Variants in FBRS observed in about 807,000 individuals in gnomAD.
FBRS encodes probable fibrosin-1.
In FBRS, 15 loss-of-function variants were observed where a neutral mutation model predicts 86.1. The ratio of observed to expected loss-of-function variants is 0.17; its 90% CI spans 0.12 to 0.27. The LOEUF (loss-of-function observed/expected upper bound fraction) is 0.27, where lower values mean the gene tolerates loss of function less well. FBRS is among the 10% of genes least tolerant of loss of function. The pLI is 1.00. For missense variants in FBRS, 1,367 were observed against 1,301.6 expected, an observed-to-expected ratio of 1.05 and a Z score of -0.77; for synonymous variants, 666 against 575.8, an observed-to-expected ratio of 1.16 and a Z score of -2.24.
rs1285113644 is a variant in FBRS at position 30,659,752 on chromosome 16, C to T, written c.234C>T (p.Gly78=). 12 of 1,386,682 alleles carry T rather than the reference C, an allele frequency of 8.7e-6. No individual in the cohort carries two copies. Among genetic ancestry groups the T allele is most frequent in the East Asian group, 7.8e-5 (3 of 38,704 alleles). The allele number at this position is 1,386,682 out of a possible 1,614,324, so 85.9% of individuals were successfully genotyped here. A position where few individuals can be genotyped will look rare whatever the true frequency, so the allele number is the denominator to read the frequency against. ...SSASSGERPG[G]PRRRRPRPRP... is the part of the protein sequence containing the mutation. ...CTTCGTCTGGAGAGCGGCCTGGGGG[C>T]CCGAGACGCCGGCGGCCCCGTCCGA... Residue 78 remains glycine (G), a synonymous_variant, in exon 1 of 18, where the codon GGC becomes GGT. Transcript: ENST00000356166.
At position 30,659,734 on chromosome 16, in the gene FBRS, T is replaced by G; in HGVS notation, c.216T>G (p.Ser72=). 7.8e-7 allele frequency: 1 copy of G among 1,287,192 alleles called. No homozygotes were observed. Among genetic ancestry groups the G allele is most frequent in the Non-Finnish European group, 1.1e-6 (1 of 946,634 alleles). The allele number at this position is 1,287,192 out of a possible 1,614,324, so 79.7% of individuals were successfully genotyped here. The change falls in exon 1 of 18, where the codon TCT becomes TCG. Residue 72 remains serine, a synonymous_variant. Coordinates refer to ENST00000356166, the MANE Select transcript of FBRS (RefSeq NM_001105079.3). ...PPARPWSSAS[S]GERPGGPRRR... is the part of the protein sequence containing the mutation. ...CCAGGCCTTGGTCGTCAGCTTCGTC[T>G]GGAGAGCGGCCTGGGGGCCCGAGAC...
intron 1 of FBRS, 58 bp downstream of exon 1, chr16:30,660,035 G>A: frequency 2.0e-6 from 3 of 1,529,688 alleles, no homozygotes; most frequent in Non-Finnish European, 2.6e-6. Context: ...CAAGGAGGGG[G>A]CAGTGCCCCT....
chr16:30,669,372 C>A lies in FBRS; in HGVS notation c.2670C>A (p.Arg890=), dbSNP rs2151273993. The A allele has an allele frequency of 6.2e-7, 1 of 1,612,754 alleles. No homozygotes were observed. Among genetic ancestry groups the A allele is most frequent in the East Asian group, 2.2e-5 (1 of 44,864 alleles). The stretch of plus-strand genomic sequence containing the variant: ...CAACCTGGTTGGCAGCACCCCCACG[C>A]CTGGCAAGGCCACCCCGCTTCTATG... ...LEPTWLAAPP[R]LARPPRFYEA... is the part of the protein sequence containing the mutation. The change falls in exon 18 of 18, where the codon CGC becomes CGA. Residue 890 remains arginine (R), a synonymous_variant. Coordinates refer to ENST00000356166, the MANE Select transcript of FBRS (RefSeq NM_001105079.3). The surrounding 1 kb of genome is among the most constrained non-coding windows in gnomAD (Gnocchi z 5.9).
At position 30,669,495 on chromosome 16, in the gene FBRS, T is replaced by A; in HGVS notation, c.2793T>A (p.Pro931=). 2 of 1,613,174 alleles carry A rather than the reference T, an allele frequency of 1.2e-6. No homozygotes were observed. The highest frequency in any genetic ancestry group is 1.7e-6 in the Non-Finnish European group (2 of 1,179,790). The change falls in exon 18 of 18, where the codon CCT becomes CCA. Residue 931 remains proline (P), a synonymous_variant. Transcript: ENST00000356166. The surrounding 1 kb of genome is among the most constrained non-coding windows in gnomAD (Gnocchi z 5.9). ...CCTTGCTCTACAGCCGCTTGGCTCC[T>A]CCACCACCACCTGCTGCGGCCCCGG... ...AHPLLYSRLA[P]PPPPAAAPGT...
At chr16:30,661,274 C>G in intron 3 of FBRS, 30 bp from the exon 4 acceptor site, 5 of 1,550,816 alleles carry the variant, frequency 3.2e-6, no homozygotes, top group Non-Finnish European at 4.4e-6. Flanking sequence ...TCTTCCCTCT[C>G]GTGACACCTC....
intron 15 of FBRS, chr16:30,667,945 G>C (rs2052542556): frequency 3.1e-6 from 1 of 321,968 alleles, no homozygotes; most frequent in Non-Finnish European, 5.7e-6. Context: ...CTAGGATCTT[G>C]GCAGGCTTCT....
Position 30,665,568 on chromosome 16 carries a change from AGCT to A in FBRS, c.1705-69_1705-67del. 2 of 1,518,658 alleles carry A rather than the reference AGCT, an allele frequency of 1.3e-6. No homozygotes were observed. Among genetic ancestry groups the A allele is most frequent in the Middle Eastern group, 1.7e-4 (1 of 5,928 alleles). 94.1% of individuals were successfully genotyped at this position (1,518,658 alleles called of 1,614,324 possible). A position where few individuals can be genotyped will look rare whatever the true frequency, so the allele number is the denominator to read the frequency against. On this transcript the variant is annotated intron_variant, in intron 10 of 17. Coordinates refer to ENST00000356166, the MANE Select transcript of FBRS (RefSeq NM_001105079.3). The surrounding 1 kb of genome is among the most constrained non-coding windows in gnomAD (Gnocchi z 4.1). Reference sequence around the variant, plus strand: ...ATGATCCCTCCCTGCCCAGTGTCCCAGCTTGGTTCTGGATCCCTTTGTGCTTGG... The same window carrying A: ...ATGATCCCTCCCTGCCCAGTGTCCCATGGTTCTGGATCCCTTTGTGCTTGG...
chr16:30,667,472 C>G, intron 14 of FBRS, 35 bp downstream of exon 14: 1 of 1,519,222 alleles, frequency 6.6e-7, no homozygotes, highest in Non-Finnish European at 8.9e-7. Context: ...CCTGAGGTTC[C>G]CTGTCTATAG....
intron 15 of FBRS, 141 bp downstream of exon 15, chr16:30,667,763 CT>C (rs1489291535): frequency 3.0e-6 from 2 of 668,280 alleles, no homozygotes; most frequent in East Asian, 6.2e-5. Flanking sequence ...ACTCTACCCC[CT>C]CTGAGCCTTG....
rs943535719 is a variant in FBRS, at chr16:30,661,288, C to T, written c.676-16C>T. On this transcript the variant is annotated splice_polypyrimidine_tract_variant and intron_variant, in intron 3 of 17. Coordinates refer to ENST00000356166, the MANE Select transcript of FBRS (RefSeq NM_001105079.3). ...CTCTTCCCTCTCGTGACACCTCTGT[C>T]TTTCCTTCTCCCCAGTGTGACGCGG... The T allele has an allele frequency of 9.7e-6, 15 of 1,550,746 alleles. No homozygotes were observed. The highest frequency in any genetic ancestry group is 8.3e-5 in the South Asian group (7 of 84,072).
rs1447432084 is a variant in FBRS, at chr16:30,669,758, C to A, written c.*113C>A. 2 of 1,315,988 alleles carry A rather than the reference C, an allele frequency of 1.5e-6. No individual in the cohort carries two copies. Among genetic ancestry groups the A allele is most frequent in the Admixed American group, 5.7e-5 (2 of 34,932 alleles). The allele number at this position is 1,315,988 out of a possible 1,614,324, so 81.5% of individuals were successfully genotyped here. A position where few individuals can be genotyped will look rare whatever the true frequency, so the allele number is the denominator to read the frequency against. ...GCAAAGGTCATAACCTCACCAGCCA[C>A]CTCTGAGGTCATGGAACCTGGGAAC... On this transcript the variant is annotated 3_prime_UTR_variant, in exon 18 of 18. Transcript: ENST00000356166. The surrounding 1 kb of genome is among the most constrained non-coding windows in gnomAD (Gnocchi z 5.9).
Position 30,664,371 on chromosome 16 carries a change from C to A in FBRS, c.1212C>A (p.Thr404=). The A allele has an allele frequency of 6.5e-7, 1 of 1,527,480 alleles. No homozygotes were observed. Among genetic ancestry groups the A allele is most frequent in the African/African-American group, 1.4e-5 (1 of 72,478 alleles). 94.6% of individuals were successfully genotyped at this position (1,527,480 alleles called of 1,614,324 possible). A position where few individuals can be genotyped will look rare whatever the true frequency, so the allele number is the denominator to read the frequency against. ...PTPSLPLPLS[T]HSFPPPGLRP... is the part of the protein sequence containing the mutation. ...CCTCACTGCCCCTGCCTTTGTCCAC[C>A]CACAGCTTTCCCCCTCCCGGGCTGC... The change falls in exon 7 of 18, where the codon ACC becomes ACA. Residue 404 remains threonine (T), a synonymous_variant. Coordinates refer to ENST00000356166, the MANE Select transcript of FBRS (RefSeq NM_001105079.3).
At chr16:30,661,026 C>T (rs1254313011) in intron 2 of FBRS, among the ~76,000 whole-genome samples, 154 bp from the exon 3 acceptor site, 4 of 152,118 alleles carry the variant, frequency 2.6e-5, no homozygotes, top group African/African-American at 9.7e-5. Flanking sequence ...ATGGTGAGAG[C>T]ACTGGGACCC....
chr16:30,667,479 A>G (rs200584237), intron 14 of FBRS, 42 bp downstream of exon 14: 1 of 1,516,672 alleles, frequency 6.6e-7, no homozygotes, highest in East Asian at 2.5e-5. Context: ...TTCCCTGTCT[A>G]TAGCCTGAGG....
At chr16:30,667,207 C>T (rs1308268495) in intron 13 of FBRS, 113 bp from the exon 14 acceptor site, 1 of 980,880 alleles carries the variant, frequency 1.0e-6, no homozygotes, top group African/African-American at 1.6e-5. Flanking sequence ...AGATAGGCAT[C>T]CAGGCCCCAT....
Position 30,669,192 on chromosome 16 carries a change from G to A in FBRS, c.2490G>A (p.Glu830=), listed in dbSNP as rs1567548141. ...SVRVKEERKE[E]AAAAAAAAAA... ...GGGTAAAGGAAGAGCGGAAGGAGGA[G>A]GCTGCCGCCGCCGCTGCCGCTGCTG... is the stretch of plus-strand genomic sequence containing the variant. The change falls in exon 18 of 18, where the codon GAG becomes GAA. Residue 830 remains glutamate (E), a synonymous_variant. Coordinates refer to ENST00000356166, the MANE Select transcript of FBRS (RefSeq NM_001105079.3). The surrounding 1 kb of genome is among the most constrained non-coding windows in gnomAD (Gnocchi z 5.9). The A allele has an allele frequency of 5.8e-6, 9 of 1,549,382 alleles. No individual in the cohort carries two copies. In the Admixed American group the frequency reaches 1.8e-4, roughly 31 times the overall value.
At chr16:30,664,608 A>G (rs1596616435) in intron 7 of FBRS, 92 bp downstream of exon 7, 2 of 1,437,510 alleles carry the variant, frequency 1.4e-6, no homozygotes, top group East Asian at 5.0e-5. Context: ...AGCAGACAGC[A>G]GGGCTTGAGG....
In FBRS at chr16:30,669,032, T is replaced by C; in HGVS notation, c.2367-37T>C. On this transcript the variant is annotated intron_variant, in intron 17 of 17. Coordinates refer to ENST00000356166, the MANE Select transcript of FBRS (RefSeq NM_001105079.3). This position sits in a 1 kb window ranked among gnomAD's most constrained non-coding sequence, Gnocchi z 5.9. The stretch of plus-strand genomic sequence containing the variant: ...CCCCACCCTCAGCCCCTGCTGCCCC[T>C]GGAGAACTTCATTCTCTCCCCACGC... 1 of 1,063,062 alleles carries C rather than the reference T, an allele frequency of 9.4e-7. No individual in the cohort carries two copies. The allele number at this position is 1,063,062 out of a possible 1,614,324, so 65.9% of individuals were successfully genotyped here. A position where few individuals can be genotyped will look rare whatever the true frequency, so the allele number is the denominator to read the frequency against.
Position 30,662,878 on chromosome 16 carries a change from T to G in FBRS, c.1055+19T>G. On this transcript the variant is annotated intron_variant, in intron 6 of 17. Transcript: ENST00000356166. ...CTGGCAGGTGAGTGGTCTTGGGGGA[T>G]TGATGCGGTCCGGAAGGGCCTGGTC... 7.0e-7 allele frequency: 1 copy of G among 1,431,222 alleles called. No individual in the cohort carries two copies. The highest frequency in any genetic ancestry group is 9.2e-7 in the Non-Finnish European group (1 of 1,088,118). The allele number at this position is 1,431,222 out of a possible 1,614,324, so 88.7% of individuals were successfully genotyped here.
Sources: allele counts gnomAD v4.1 joint callset (sites outside exome capture counted in the v4.1 genomes callset), GRCh38; gene constraint gnomAD v4.1.1; non-coding constraint Gnocchi (gnomAD v3.1); transcripts MANE v1.5; gene names NCBI Gene and HGNC (gene_info 2026-07-23, HGNC 2026-07-21).